PACSIN2: variants seen among roughly 807,000 people sequenced by gnomAD.
PACSIN2 encodes protein kinase C and casein kinase substrate in neurons protein 2.
PACSIN2 carries 25 observed loss-of-function variants against 63.8 expected under a neutral mutation model. The observed-to-expected ratio is 0.39, with a 90% CI of 0.29 to 0.55. The LOEUF is 0.55. PACSIN2 is among the 20% of genes least tolerant of loss of function. The pLI, the probability that PACSIN2 is intolerant of heterozygous loss-of-function variation, is 0.62. For synonymous variants in PACSIN2, 255 were observed against 256.2 expected (o/e 1.00, Z 0.05); for missense variants, 518 against 646.9 (o/e 0.80, Z 2.16).
At chr22:42,889,102 G>C (rs1929707433) in intron 4 of PACSIN2, among the ~76,000 whole-genome samples, 1 of 152,274 alleles carries the variant, frequency 6.6e-6, no homozygotes, top group Non-Finnish European at 1.5e-5. Flanking sequence ...TTACATGCCA[G>C]AGTCAATTAG....
chr22:42,973,360 C>T (rs533054404), intron 1 of PACSIN2, among the ~76,000 whole-genome samples: 1 of 152,330 alleles, frequency 6.6e-6, no homozygotes, highest in South Asian at 2.1e-4. Context: ...CAGGAATTGA[C>T]GAGCAAAACA....
intron 1 of PACSIN2, among the ~76,000 whole-genome samples, chr22:42,994,474 G>C (rs907844540): frequency 1.3e-5 from 2 of 152,248 alleles, no homozygotes; most frequent in Non-Finnish European, 2.9e-5. Flanking sequence ...CCCAAGCTCT[G>C]TCCACACATA....
intron 1 of PACSIN2, among the ~76,000 whole-genome samples, chr22:42,994,771 A>G (rs1923287082): frequency 6.6e-6 from 1 of 152,194 alleles, no homozygotes; most frequent in African/African-American, 2.4e-5. Context: ...TGCCCCACCT[A>G]CGGGAATGCT....
chr22:42,918,539 A>C (rs1931958290), intron 1 of PACSIN2, among the ~76,000 whole-genome samples: 1 of 152,244 alleles, frequency 6.6e-6, no homozygotes, highest in South Asian at 2.1e-4. Flanking sequence ...AAAGGCAACC[A>C]AGATACAGAT....
At chr22:42,893,743 G>A (rs2146677282) in intron 2 of PACSIN2, 130 bp from the exon 3 acceptor site, 2 of 795,164 alleles carry the variant, frequency 2.5e-6, no homozygotes, top group Admixed American at 2.5e-5. Context: ...CCCTCTCCAA[G>A]AGTTTGAAAG....
chr22:42,954,938 G>T (rs1230211677), intron 1 of PACSIN2, among the ~76,000 whole-genome samples: 1 of 152,008 alleles, frequency 6.6e-6, no homozygotes, highest in African/African-American at 2.4e-5. Context: ...ACATATAAAC[G>T]GCACTCCAGC....
chr22:42,921,927 C>T (rs1932223754), intron 1 of PACSIN2, among the ~76,000 whole-genome samples: 1 of 151,904 alleles, frequency 6.6e-6, no homozygotes, highest in Admixed American at 6.6e-5. Context: ...TTAGTAGAGA[C>T]GGGGTTTCGC....
intron 1 of PACSIN2, among the ~76,000 whole-genome samples, chr22:42,983,505 A>AAAAAC (rs1922391943): frequency 6.6e-6 from 1 of 151,580 alleles, no homozygotes; most frequent in Non-Finnish European, 1.5e-5. Flanking sequence ...AAAAAAAAAA[A>AAAAAC]AAACAGATAT....
intron 1 of PACSIN2, among the ~76,000 whole-genome samples, chr22:43,000,687 C>G (rs921169638): frequency 1.3e-5 from 2 of 152,148 alleles, no homozygotes; most frequent in Non-Finnish European, 2.9e-5. Flanking sequence ...ACCCCCACAT[C>G]AGCAACTTCA....
chr22:42,884,953 C>T (rs1323646590), intron 5 of PACSIN2, among the ~76,000 whole-genome samples: 1 of 152,202 alleles, frequency 6.6e-6, no homozygotes, highest in Admixed American at 6.5e-5. Context: ...TCCTGCAGCT[C>T]TCTTGGAGCC....
rs765258740 is a variant in PACSIN2, at chr22:42,871,491, G to A, written c.1349-22C>T. On this transcript the variant is annotated intron_variant, in intron 10 of 10. Coordinates refer to ENST00000263246, the MANE Select transcript of PACSIN2 (RefSeq NM_001184970.3). This position sits in a 1 kb window ranked among gnomAD's most constrained non-coding sequence, Gnocchi z 5.4. ...TCCCCTGCAAGACAAAGAGGGAGCC[G>A]TCTCCATGAGAGGTATGACACCGAC... The A allele has an allele frequency of 1.2e-5, 18 of 1,557,528 alleles. No homozygotes were observed. The highest frequency in any genetic ancestry group is 2.7e-5 in the African/African-American group (2 of 73,834).
rs140060806 is a variant in PACSIN2 at position 42,992,474 on chromosome 22, G to A, written c.-78+22547C>T. 2.3e-3 allele frequency among the ~76,000 whole-genome samples: 354 copies of A among 152,310 alleles called. 3 individuals are homozygous for A. The highest frequency in any genetic ancestry group is 4.2e-3 in the Non-Finnish European group (284 of 68,020). On this transcript the variant is annotated intron_variant, in intron 1 of 10. Coordinates refer to ENST00000263246, the MANE Select transcript of PACSIN2 (RefSeq NM_001184970.3). ...AAGTGGAAGCAGATGTTGGCCAAGT[G>A]CAGTGGTTCACACCTGTAATCCCAA...
chr22:43,012,949 C>A (rs1364622370), intron 1 of PACSIN2, among the ~76,000 whole-genome samples: 1 of 152,172 alleles, frequency 6.6e-6, no homozygotes, highest in Non-Finnish European at 1.5e-5. Context: ...GCCACCACGC[C>A]CGGCCTTAAT....
intron 2 of PACSIN2, among the ~76,000 whole-genome samples, chr22:42,902,936 C>A (rs548476661): frequency 6.6e-6 from 1 of 152,136 alleles, no homozygotes; most frequent in South Asian, 2.1e-4. Context: ...CTCAATCCTG[C>A]GAGTCACACG....
intron 1 of PACSIN2, among the ~76,000 whole-genome samples, chr22:42,923,631 G>A (rs1384324807): frequency 6.6e-6 from 1 of 152,254 alleles, no homozygotes; most frequent in East Asian, 1.9e-4. Context: ...GTTTCACCGT[G>A]TCAGCCAGGA....
intron 1 of PACSIN2, among the ~76,000 whole-genome samples, chr22:42,920,310 G>GCGTGCCATGCAAGATGAATCAGAAC (rs1230558014): frequency 6.6e-6 from 1 of 152,162 alleles, no homozygotes; most frequent in Non-Finnish European, 1.5e-5. Flanking sequence ...TGAATCAGAA[G>GCGTGCCATGCAAGATGAATCAGAAC]CATGCCATCC....
At chr22:42,990,490 A>G (rs561080829) in intron 1 of PACSIN2, among the ~76,000 whole-genome samples, 1 of 152,316 alleles carries the variant, frequency 6.6e-6, no homozygotes, top group East Asian at 1.9e-4. Context: ...CATGAGGAGT[A>G]TGGGGACGGG....
intron 9 of PACSIN2, 40 bp from the exon 10 acceptor site, chr22:42,876,373 C>T (rs374832703): frequency 7.1e-5 from 112 of 1,576,672 alleles, no homozygotes; most frequent in Non-Finnish European, 9.0e-5. Context: ...CAGCACAGGG[C>T]GGCAGAGGGT....
intron 2 of PACSIN2, among the ~76,000 whole-genome samples, chr22:42,896,965 C>T (rs1347603234): frequency 6.6e-6 from 1 of 152,004 alleles, no homozygotes; most frequent in East Asian, 1.9e-4. Flanking sequence ...GAGACAGGGT[C>T]TTGCTTTGTT....
Sources: gnomAD v4.1 joint callset for allele counts (sites outside exome capture counted in the v4.1 genomes callset) on GRCh38, gnomAD v4.1.1 for gene constraint, Gnocchi (gnomAD v3.1) non-coding constraint, MANE v1.5 for transcripts, NCBI Gene and HGNC (gene_info 2026-07-23, HGNC 2026-07-21) for gene names.